ACBD7: variants seen among roughly 807,000 people sequenced by gnomAD.
ACBD7 encodes the protein acyl-CoA binding domain containing 7, also known as acyl-CoA-binding domain-containing protein 7.
In ACBD7, 11 loss-of-function variants were observed where a neutral mutation model predicts 13.7. That is an observed-to-expected ratio of 0.80 (90% CI 0.50 to 1.33). The LOEUF (loss-of-function observed/expected upper bound fraction) is 1.33. ACBD7 is among the 40% of genes most tolerant of loss of function. The pLI, the probability that ACBD7 is intolerant of heterozygous loss-of-function variation, is 0.00. For synonymous variants in ACBD7, 43 were observed against 37.7 expected, an observed-to-expected ratio of 1.14 and a Z score of -0.51; for missense variants, 111 against 103.0, an observed-to-expected ratio of 1.08 and a Z score of -0.33.
At chr10:15,087,171 C>A (rs1207291652) in intron 1 of ACBD7, among the ~76,000 whole-genome samples, 4 of 152,144 alleles carry the variant, frequency 2.6e-5, no homozygotes, top group Non-Finnish European at 4.4e-5. Flanking sequence ...CAGAGTGAGA[C>A]CCTGTCTCAA....
At position 15,078,292 on chromosome 10, in the gene ACBD7, G is replaced by A. The variant is rs957843905; in HGVS notation, c.*238C>T. On this transcript the variant is annotated 3_prime_UTR_variant, in exon 4 of 4. Transcript: ENST00000356189. ...ACTCATCCCTTTTTATGGCTCCATAGTATTCCATGGTGTATATGTGCCACA... is the reference window on the plus strand; with the variant it reads ...ACTCATCCCTTTTTATGGCTCCATAATATTCCATGGTGTATATGTGCCACA... 7.8e-7 allele frequency: 1 copy of A among 1,282,542 alleles called. No homozygotes were observed. Among genetic ancestry groups the A allele is most frequent in the African/African-American group, 1.5e-5 (1 of 66,662 alleles). The allele number at this position is 1,282,542 out of a possible 1,614,324, so 79.4% of individuals were successfully genotyped here. A position where few individuals can be genotyped will look rare whatever the true frequency, so the allele number is the denominator to read the frequency against.
In ACBD7 at chr10:15,076,840, A is replaced by G. The variant is rs1218501503; in HGVS notation, c.*1690T>C. On this transcript the variant is annotated 3_prime_UTR_variant, in exon 4 of 4. Transcript: ENST00000356189. ...CTTAATAACCTGTTTTTATTTCACC[A>G]GTAACATTAACTTATTGTAACAGAA... 1.0e-6 allele frequency: 1 copy of G among 985,436 alleles called. No individual in the cohort carries two copies. Among genetic ancestry groups the G allele is most frequent in the Non-Finnish European group, 1.2e-6 (1 of 829,938 alleles). The allele number at this position is 985,436 out of a possible 1,614,324, so 61.0% of individuals were successfully genotyped here.
chr10:15,088,535 G>T, intron 1 of ACBD7, 182 bp downstream of exon 1: 1 of 850,964 alleles, frequency 1.2e-6, no homozygotes, highest in Non-Finnish European at 1.7e-6. Context: ...TGGGAGCCCT[G>T]GCTCGCCGTC....
intron 1 of ACBD7, among the ~76,000 whole-genome samples, chr10:15,080,801 G>T (rs906144011): frequency 6.6e-6 from 1 of 152,116 alleles, no homozygotes; most frequent in Non-Finnish European, 1.5e-5. Context: ...ACTCTACAAA[G>T]AGCTTTGTGA....
At chr10:15,088,437 G>A (rs1248400631) in intron 1 of ACBD7, 3 of 509,384 alleles carry the variant, frequency 5.9e-6, no homozygotes, top group East Asian at 3.6e-5. Flanking sequence ...CGGAGACGGA[G>A]AGGAGGAGGC....
rs752151625 is a variant in ACBD7, at chr10:15,076,303, G to A, written c.*2227C>T. On this transcript the variant is annotated 3_prime_UTR_variant, in exon 4 of 4. Coordinates refer to ENST00000356189, the MANE Select transcript of ACBD7 (RefSeq NM_001039844.3). ...GTACCATCCAGAAAGACTGAGTAGG[G>A]GGCCAATATTATATTCCAGACTCTA... 48 of 984,952 alleles carry A rather than the reference G, an allele frequency of 4.9e-5. No homozygotes were observed. The highest frequency in any genetic ancestry group is 1.8e-4 in the Admixed American group (3 of 16,220). 61.0% of individuals were successfully genotyped at this position (984,952 alleles called of 1,614,324 possible). A position where few individuals can be genotyped will look rare whatever the true frequency, so the allele number is the denominator to read the frequency against.
intron 1 of ACBD7, among the ~76,000 whole-genome samples, chr10:15,084,100 A>G (rs1844781332): frequency 6.6e-6 from 1 of 152,210 alleles, no homozygotes; most frequent in Non-Finnish European, 1.5e-5. Context: ...CGGGTCTGCG[A>G]TTGTTGGCTG....
At chr10:15,085,273 C>T (rs948659189) in intron 1 of ACBD7, among the ~76,000 whole-genome samples, 3 of 152,232 alleles carry the variant, frequency 2.0e-5, no homozygotes, top group African/African-American at 7.2e-5. Context: ...CCACCTTTGG[C>T]GTAGAAGTTA....
intron 1 of ACBD7, among the ~76,000 whole-genome samples, chr10:15,081,865 C>T (rs1844753993): frequency 6.6e-6 from 1 of 152,162 alleles, no homozygotes; most frequent in Non-Finnish European, 1.5e-5. Flanking sequence ...GGGCATGGAA[C>T]AAGGGGTGCC....
intron 1 of ACBD7, among the ~76,000 whole-genome samples, chr10:15,084,362 A>G (rs1329783153): frequency 6.6e-6 from 1 of 152,238 alleles, no homozygotes; most frequent in Non-Finnish European, 1.5e-5. Context: ...AAGTTATCAT[A>G]GGTGAGATGC....
At chr10:15,087,304 TAAAG>T (rs1156509695) in intron 1 of ACBD7, among the ~76,000 whole-genome samples, 1 of 152,160 alleles carries the variant, frequency 6.6e-6, no homozygotes. Flanking sequence ...CATTTTTAGA[TAAAG>T]AAACTGAGGC....
intron 1 of ACBD7, among the ~76,000 whole-genome samples, chr10:15,086,284 G>A (rs1274361638): frequency 1.3e-5 from 2 of 151,394 alleles, no homozygotes; most frequent in Non-Finnish European, 2.9e-5. Flanking sequence ...TCCAGCCTGG[G>A]CAACAGAGCA....
chr10:15,079,383 T>C (rs1844723461), intron 1 of ACBD7, among the ~76,000 whole-genome samples: 1 of 150,688 alleles, frequency 6.6e-6, no homozygotes, highest in African/African-American at 2.4e-5. Context: ...CAAGCCATTC[T>C]CCTACCTCAG....
Position 15,077,397 on chromosome 10 carries a change from T to G in ACBD7, c.*1133A>C, listed in dbSNP as rs1844694902. ...GAAACAAAAAAAAATACCACATGTTTTCACTTATAAGTGGGAGTTAAACAG... is the reference window on the plus strand; with the variant it reads ...GAAACAAAAAAAAATACCACATGTTGTCACTTATAAGTGGGAGTTAAACAG... On this transcript the variant is annotated 3_prime_UTR_variant, in exon 4 of 4. Transcript: ENST00000356189. 6.6e-6 allele frequency: 1 copy of G among 152,056 alleles called. No homozygotes were observed. The highest frequency in any genetic ancestry group is 2.4e-5 in the African/African-American group (1 of 41,400). 9.4% of individuals were successfully genotyped at this position (152,056 alleles called of 1,614,324 possible).
intron 1 of ACBD7, among the ~76,000 whole-genome samples, chr10:15,082,542 G>C (rs1017895326): frequency 1.3e-5 from 2 of 152,116 alleles, no homozygotes; most frequent in African/African-American, 4.8e-5. Flanking sequence ...TTTATAATAA[G>C]AACAAAATTG....
chr10:15,080,938 G>T (rs1000310335), intron 1 of ACBD7, among the ~76,000 whole-genome samples: 5 of 152,076 alleles, frequency 3.3e-5, no homozygotes, highest in Non-Finnish European at 5.9e-5. Context: ...ACATATGCTG[G>T]CCACCCCCTG....
chr10:15,088,761 T>TGTC lies in ACBD7; in HGVS notation c.-36_-34dup, dbSNP rs776984009. 2.8e-4 allele frequency: 443 copies of TGTC among 1,599,174 alleles called. No individual in the cohort carries two copies. The highest frequency in any genetic ancestry group is 3.7e-4 in the Non-Finnish European group (433 of 1,175,596). On this transcript the variant is annotated 5_prime_UTR_variant, in exon 1 of 4. Coordinates refer to ENST00000356189, the MANE Select transcript of ACBD7 (RefSeq NM_001039844.3). ...GCTGCCGCGTTGTTGCTGCTGCTGT[T>TGTC]GTCGTCCGGTGCTCTGCCCCCTCTC...
At chr10:15,079,267 TC>T (rs1450792354) in intron 1 of ACBD7, among the ~76,000 whole-genome samples, 2 of 121,524 alleles carry the variant, frequency 1.6e-5, no homozygotes, top group South Asian at 3.1e-4. Flanking sequence ...CGGTTTAACT[TC>T]TTTTTTTTTT....
At position 15,078,466 on chromosome 10, in the gene ACBD7, T is replaced by C. The variant is rs909622182; in HGVS notation, c.*64A>G. On this transcript the variant is annotated 3_prime_UTR_variant, in exon 4 of 4. Transcript: ENST00000356189. ...CAAGTTAACAGTATGCCTCTCCCTC[T>C]AAATGTTAGGTCATGATAGCATTTG... The C allele has an allele frequency of 5.0e-6, 8 of 1,610,404 alleles. No individual in the cohort carries two copies. Among genetic ancestry groups the C allele is most frequent in the Non-Finnish European group, 5.1e-6 (6 of 1,178,724 alleles).
Sources: allele counts gnomAD v4.1 joint callset (sites outside exome capture counted in the v4.1 genomes callset), GRCh38; gene constraint gnomAD v4.1.1; transcripts MANE v1.5; gene names NCBI Gene and HGNC (gene_info 2026-07-23, HGNC 2026-07-21).